ATRNL1: variants seen among roughly 807,000 people sequenced by gnomAD.
The protein encoded by ATRNL1 is attractin like 1.
Under a neutral mutation model 182.7 loss-of-function variants are expected in ATRNL1, and 95 were observed. That is an observed-to-expected ratio of 0.52 (90% CI 0.44 to 0.62). The LOEUF (loss-of-function observed/expected upper bound fraction) is 0.62, where lower values mean the gene tolerates loss of function less well. Among genes scored for constraint, ATRNL1 ranks in the 20% least tolerant of loss-of-function variants. ATRNL1 has a pLI of 0.00. For synonymous variants in ATRNL1, 576 were observed against 568.3 expected (o/e 1.01, Z -0.19); for missense variants, 1,471 against 1,679.5 (o/e 0.88, Z 2.17).
chr10:115,338,377 C>T (rs1026397885), intron 19 of ATRNL1, among the ~76,000 whole-genome samples: 3 of 152,184 alleles, frequency 2.0e-5, no homozygotes, highest in African/African-American at 4.8e-5. Context: ...GTTCTGTTTT[C>T]TCCACATCCT....
chr10:115,513,868 A>C (rs541411561), intron 24 of ATRNL1, among the ~76,000 whole-genome samples: 1 of 152,018 alleles, frequency 6.6e-6, no homozygotes, highest in South Asian at 2.1e-4. Flanking sequence ...AATATATTCA[A>C]CCTGAGCCTG....
At chr10:115,298,857 T>A (rs1017318461) in intron 15 of ATRNL1, among the ~76,000 whole-genome samples, 2 of 152,092 alleles carry the variant, frequency 1.3e-5, no homozygotes, top group Admixed American at 1.3e-4. Context: ...TAACAAGAAT[T>A]TATAAGATAT....
At chr10:115,391,139 T>C (rs1315141474) in intron 19 of ATRNL1, among the ~76,000 whole-genome samples, 1 of 152,226 alleles carries the variant, frequency 6.6e-6, no homozygotes, top group Middle Eastern at 3.2e-3. Context: ...CCTATTTGGA[T>C]GCCCTTTATT....
chr10:115,093,395 C>A lies in ATRNL1; in HGVS notation c.-356C>A. ...GCGCGGGCCGCGGGCGAGGCGGGGC[C>A]GCGCGCGGGGTCCCCTCCTCCTGCC... On this transcript the variant is annotated 5_prime_UTR_variant, in exon 1 of 29. Coordinates refer to ENST00000355044, the MANE Select transcript of ATRNL1 (RefSeq NM_207303.4). The surrounding 1 kb of genome is among the most constrained non-coding windows in gnomAD (Gnocchi z 6.1). 1 of 209,910 alleles carries A rather than the reference C, an allele frequency of 4.8e-6. No homozygotes were observed. Among genetic ancestry groups the A allele is most frequent in the Non-Finnish European group, 9.4e-6 (1 of 106,514 alleles). 13.0% of individuals were successfully genotyped at this position (209,910 alleles called of 1,614,324 possible). A position where few individuals can be genotyped will look rare whatever the true frequency, so the allele number is the denominator to read the frequency against.
intron 8 of ATRNL1, among the ~76,000 whole-genome samples, chr10:115,210,083 A>G (rs1390335172): frequency 2.0e-5 from 3 of 152,010 alleles, no homozygotes; most frequent in Non-Finnish European, 4.4e-5. Flanking sequence ...GAAATACTGT[A>G]TTTCATAATG....
chr10:115,274,869 T>G (rs1852034697), intron 13 of ATRNL1, among the ~76,000 whole-genome samples: 2 of 152,370 alleles, frequency 1.3e-5, no homozygotes, highest in South Asian at 4.1e-4. Flanking sequence ...CCACATCTGA[T>G]AAGGCAATTA....
rs193064035 is a variant in ATRNL1, at chr10:115,571,243, G to T, written c.3795+21707G>T. ...CACCTGTATTATATTGGCAAAATCA[G>T]TATAGGACCAGGTCAGACATAAACG... On this transcript the variant is annotated intron_variant, in intron 26 of 28. Transcript: ENST00000355044. Among the ~76,000 whole-genome samples the T allele has an allele frequency of 1.6e-3, 250 of 152,226 alleles. 1 individual carries two copies. The highest frequency in any genetic ancestry group is 5.8e-3 in the African/African-American group (239 of 41,546).
At chr10:115,765,836 A>G (rs1295236748) in intron 27 of ATRNL1, among the ~76,000 whole-genome samples, 2 of 152,142 alleles carry the variant, frequency 1.3e-5, no homozygotes, top group Non-Finnish European at 2.9e-5. Context: ...CTCACTTGTA[A>G]TGGCTGTATA....
chr10:115,155,238 T>C (rs576788197), intron 5 of ATRNL1, among the ~76,000 whole-genome samples: 1 of 152,036 alleles, frequency 6.6e-6, no homozygotes, highest in South Asian at 2.1e-4. Context: ...TTCTTTTTTT[T>C]TCTTTTTAAA....
chr10:115,558,507 G>C (rs113893118), intron 26 of ATRNL1, among the ~76,000 whole-genome samples: 1 of 152,198 alleles, frequency 6.6e-6, no homozygotes, highest in Admixed American at 6.5e-5. Context: ...GAGATGTGGC[G>C]GAAGGGGGAG....
intron 8 of ATRNL1, among the ~76,000 whole-genome samples, chr10:115,211,870 T>G (rs1415594610): frequency 6.6e-6 from 1 of 151,538 alleles, no homozygotes; most frequent in Admixed American, 6.6e-5. Flanking sequence ...TAAGCCCCAT[T>G]TCTTTTTCTT....
intron 19 of ATRNL1, among the ~76,000 whole-genome samples, chr10:115,388,882 T>C (rs1332466211): frequency 6.6e-6 from 1 of 152,136 alleles, no homozygotes; most frequent in Non-Finnish European, 1.5e-5. Flanking sequence ...GGCATTTACA[T>C]TTTGATATAT....
At chr10:115,177,909 TTTG>T in intron 8 of ATRNL1, among the ~76,000 whole-genome samples, 1 of 139,608 alleles carries the variant, frequency 7.2e-6, no homozygotes, top group Non-Finnish European at 1.5e-5. Flanking sequence ...TTTTGTTTTT[TTTG>T]TTTTTTTTTT....
intron 21 of ATRNL1, among the ~76,000 whole-genome samples, chr10:115,435,439 C>G (rs12356381): frequency 0.22 from 34,194 of 152,052 alleles, 4,829 homozygotes; most frequent in Non-Finnish European, 0.32. Context: ...AAGGCCCTCA[C>G]CAGATGCCAG....
At chr10:115,161,824 A>G (rs1846799682) in intron 6 of ATRNL1, among the ~76,000 whole-genome samples, 1 of 152,050 alleles carries the variant, frequency 6.6e-6, no homozygotes, top group Non-Finnish European at 1.5e-5. Context: ...ATGTAGTTCA[A>G]TTGTAGGTAA....
intron 26 of ATRNL1, among the ~76,000 whole-genome samples, chr10:115,685,556 C>T (rs1946189860): frequency 6.6e-6 from 1 of 151,826 alleles, no homozygotes; most frequent in South Asian, 2.1e-4. Flanking sequence ...GATAATTCGT[C>T]TTATGCCAAA....
intron 18 of ATRNL1, among the ~76,000 whole-genome samples, chr10:115,331,036 G>A (rs1460591214): frequency 6.7e-6 from 1 of 148,782 alleles, no homozygotes; most frequent in African/African-American, 2.5e-5. Flanking sequence ...CTTCTGCTTT[G>A]TCATTCTGCT....
rs369381980 is a variant in ATRNL1 at position 115,580,834 on chromosome 10, C to A, written c.3795+31298C>A. Among the ~76,000 whole-genome samples, 7 of 151,980 alleles carry A rather than the reference C, an allele frequency of 4.6e-5. No individual in the cohort carries two copies. The East Asian group carries it at 1.4e-3, about 29-fold the overall frequency. On this transcript the variant is annotated intron_variant, in intron 26 of 28. Coordinates refer to ENST00000355044, the MANE Select transcript of ATRNL1 (RefSeq NM_207303.4). ...CTTCAGTTTTGCTGATCAATAGAGT[C>A]CTCTATTGATTTTTTCAATTCAGTC...
intron 24 of ATRNL1, among the ~76,000 whole-genome samples, chr10:115,489,312 A>G (rs550399985): frequency 6.6e-6 from 1 of 152,134 alleles, no homozygotes; most frequent in African/African-American, 2.4e-5. Flanking sequence ...TCTGTCTAAT[A>G]TTGACAGTGG....
Sources: gnomAD v4.1 joint callset for allele counts (sites outside exome capture counted in the v4.1 genomes callset) on GRCh38, gnomAD v4.1.1 for gene constraint, Gnocchi (gnomAD v3.1) non-coding constraint, MANE v1.5 for transcripts, NCBI Gene and HGNC (gene_info 2026-07-23, HGNC 2026-07-21) for gene names.